DENND1B: variants seen among roughly 807,000 people sequenced by gnomAD.
The protein encoded by DENND1B is DENN domain-containing protein 1B.
DENND1B carries 59 observed loss-of-function variants against 90.1 expected under a neutral mutation model. The ratio of observed to expected loss-of-function variants is 0.65; its 90% CI spans 0.53 to 0.81. DENND1B has a LOEUF of 0.81. DENND1B is among the 40% of genes least tolerant of loss of function. DENND1B has a pLI of 0.00. For missense variants in DENND1B, 862 were observed against 912.6 expected (o/e 0.94, Z 0.71); for synonymous variants, 337 against 324.6 (o/e 1.04, Z -0.41).
Position 197,665,689 on chromosome 1 carries a change from T to C in DENND1B, c.296+6348A>G, listed in dbSNP as rs1654871571. Among the ~76,000 whole-genome samples, 3 of 152,148 alleles carry C rather than the reference T, an allele frequency of 2.0e-5. No homozygotes were observed. In the South Asian group the frequency reaches 6.2e-4, roughly 31 times the overall value. ...AATATCTTAAAGCTTCTTAAATGTA[T>C]GGCATTTTAATTATGTCTATGCTTC... On this transcript the variant is annotated intron_variant, in intron 5 of 22. Transcript: ENST00000620048.
intron 2 of DENND1B, among the ~76,000 whole-genome samples, chr1:197,752,830 C>T (rs575633260): frequency 3.1e-4 from 47 of 152,070 alleles, no homozygotes; most frequent in Non-Finnish European, 5.7e-4. Context: ...GTTCCCCACC[C>T]TGTGTCCAAG....
chr1:197,639,985 C>G (rs1031898802), intron 10 of DENND1B, among the ~76,000 whole-genome samples: 1 of 152,096 alleles, frequency 6.6e-6, no homozygotes, highest in Non-Finnish European at 1.5e-5. Context: ...GAGCTGGTAA[C>G]TTAGAGGTGA....
upstream of DENND1B, among the ~76,000 whole-genome samples, chr1:197,778,215 G>GT: frequency 6.6e-6 from 1 of 152,196 alleles, no homozygotes; most frequent in South Asian, 2.1e-4. Context: ...CTTCTGAATA[G>GT]TATTTGTCTG....
chr1:197,525,702 T>C (rs1243415456), intron 20 of DENND1B, among the ~76,000 whole-genome samples: 4 of 152,114 alleles, frequency 2.6e-5, no homozygotes, highest in Non-Finnish European at 5.9e-5. Flanking sequence ...AGCTGCATTT[T>C]ATTTCTCAGA....
At chr1:197,633,740 G>C (rs1337889600) in intron 10 of DENND1B, among the ~76,000 whole-genome samples, 3 of 152,094 alleles carry the variant, frequency 2.0e-5, no homozygotes, top group Non-Finnish European at 4.4e-5. Context: ...TCTACTGCCT[G>C]GTTCCTGCAG....
chr1:197,731,599 C>T (rs942031976), intron 2 of DENND1B, among the ~76,000 whole-genome samples: 1 of 152,142 alleles, frequency 6.6e-6, no homozygotes, highest in Non-Finnish European at 1.5e-5. Flanking sequence ...TTGTCATTCA[C>T]TCATTATACA....
chr1:197,597,069 C>T (rs1675766509), intron 13 of DENND1B, among the ~76,000 whole-genome samples: 1 of 151,834 alleles, frequency 6.6e-6, no homozygotes, highest in African/African-American at 2.4e-5. Flanking sequence ...TCCATAGATT[C>T]AGATAAAAAT....
At chr1:197,694,748 GACCTTC>G (rs1049044809) in intron 3 of DENND1B, among the ~76,000 whole-genome samples, 1 of 151,124 alleles carries the variant, frequency 6.6e-6, no homozygotes, top group Non-Finnish European at 1.5e-5. Flanking sequence ...CATAACATCA[GACCTTC>G]CAGGTCTGGC....
chr1:197,757,499 C>T (rs1341083048), intron 2 of DENND1B: 1 of 152,106 alleles, frequency 6.6e-6, no homozygotes, highest in Admixed American at 6.5e-5. Context: ...CCAGAAGTAC[C>T]ATACAAATAT....
chr1:197,723,387 C>T (rs763129183), intron 2 of DENND1B, among the ~76,000 whole-genome samples: 7 of 151,996 alleles, frequency 4.6e-5, no homozygotes, highest in Non-Finnish European at 8.8e-5. Flanking sequence ...TCATGGTAAT[C>T]GAACCATCAA....
chr1:197,738,091 G>A (rs1330548536), intron 2 of DENND1B, among the ~76,000 whole-genome samples: 1 of 151,986 alleles, frequency 6.6e-6, no homozygotes, highest in African/African-American at 2.4e-5. Flanking sequence ...AGATTTCTCT[G>A]ACACCTGTTT....
chr1:197,579,479 A>G (rs1674003491), intron 15 of DENND1B, among the ~76,000 whole-genome samples: 1 of 152,108 alleles, frequency 6.6e-6, no homozygotes, highest in Admixed American at 6.5e-5. Context: ...CTTTGGATGT[A>G]TGAATATACA....
intron 3 of DENND1B, among the ~76,000 whole-genome samples, chr1:197,681,650 C>T (rs1012403352): frequency 5.3e-5 from 8 of 152,096 alleles, no homozygotes; most frequent in African/African-American, 1.4e-4. Flanking sequence ...AGAGAACATC[C>T]TTTTTCTATC....
intron 2 of DENND1B, chr1:197,761,852 A>G (rs1195578014): frequency 1.3e-5 from 2 of 151,716 alleles, no homozygotes; most frequent in African/African-American, 2.4e-5. Context: ...CTCTATCTTG[A>G]TCTTTACCAG....
rs772960577 is a variant in DENND1B, at chr1:197,510,987, A to T, written c.1816-15T>A. ...TTAGATTTATTCTGAAAAAAAGAAG[A>T]AACAACAAACTCAGAAAACTTTTAA... On this transcript the variant is annotated splice_polypyrimidine_tract_variant and intron_variant, in intron 22 of 22. Transcript: ENST00000620048. The T allele has an allele frequency of 5.4e-6, 8 of 1,480,820 alleles. No homozygotes were observed. Among genetic ancestry groups the T allele is most frequent in the Non-Finnish European group, 7.2e-6 (8 of 1,115,032 alleles). The allele number at this position is 1,480,820 out of a possible 1,614,324, so 91.7% of individuals were successfully genotyped here.
In DENND1B at chr1:197,540,978, T is replaced by A. The variant is rs774576677; in HGVS notation, c.1388A>T (p.Lys463Met). 1 of 1,612,842 alleles carries A rather than the reference T, an allele frequency of 6.2e-7. No individual in the cohort carries two copies. Among genetic ancestry groups the A allele is most frequent in the Admixed American group, 1.7e-5 (1 of 59,928 alleles). ...NHAKLGLKEV[K>M]SKLKHKENEE... is the part of the protein sequence containing the mutation. ...ACATACCTTGTGTTTTAGTTTACTC[T>A]TCACTTCCTTTAGTCCCAGCTTTGC... Residue 463 changes from lysine (K) to methionine (M), a missense_variant, in exon 19 of 23, where the codon AAG becomes ATG. Coordinates refer to ENST00000620048, the MANE Select transcript of DENND1B (RefSeq NM_001195215.2).
intron 14 of DENND1B, among the ~76,000 whole-genome samples, chr1:197,592,965 T>A (rs1333860554): frequency 1.3e-5 from 2 of 152,158 alleles, no homozygotes; most frequent in Non-Finnish European, 2.9e-5. Flanking sequence ...TTAAATATGT[T>A]TTTGAAACTT....
intron 17 of DENND1B, among the ~76,000 whole-genome samples, chr1:197,546,259 G>C (rs1334303828): frequency 1.3e-5 from 2 of 152,068 alleles, no homozygotes; most frequent in African/African-American, 4.8e-5. Flanking sequence ...AGGTAGACTT[G>C]AGCAATATGA....
intron 2 of DENND1B, among the ~76,000 whole-genome samples, chr1:197,754,582 C>A (rs1654007468): frequency 7.3e-6 from 1 of 137,198 alleles, no homozygotes; most frequent in South Asian, 2.3e-4. Flanking sequence ...CACTTGAACC[C>A]AGGAGGCAAA....
Sources: gnomAD v4.1 joint callset for allele counts (sites outside exome capture counted in the v4.1 genomes callset) on GRCh38, gnomAD v4.1.1 for gene constraint, MANE v1.5 for transcripts, NCBI Gene and HGNC (gene_info 2026-07-23, HGNC 2026-07-21) for gene names.